ABLIM3: variants seen among roughly 807,000 people sequenced by gnomAD.
ABLIM3 encodes the protein actin-binding LIM protein 3.
Under a neutral mutation model 109.5 loss-of-function variants are expected in ABLIM3, and 61 were observed. The ratio of observed to expected loss-of-function variants is 0.56; its 90% CI spans 0.45 to 0.69. ABLIM3 has a LOEUF of 0.69. ABLIM3 is among the 30% of genes least tolerant of loss of function. The pLI, the probability that ABLIM3 is intolerant of heterozygous loss-of-function variation, is 0.00. For missense variants in ABLIM3, 796 were observed against 889.5 expected, an observed-to-expected ratio of 0.89 and a Z score of 1.34; for synonymous variants, 300 against 324.8, an observed-to-expected ratio of 0.92 and a Z score of 0.82.
At chr5:149,245,458 AG>A (rs1228556526) in intron 16 of ABLIM3, among the ~76,000 whole-genome samples, 1 of 152,222 alleles carries the variant, frequency 6.6e-6, no homozygotes, top group Admixed American at 6.5e-5. Flanking sequence ...AGGAAAGAAA[AG>A]GCTGTCCACT....
chr5:149,151,226 C>G (rs1176428391), intron 2 of ABLIM3, among the ~76,000 whole-genome samples: 1 of 152,190 alleles, frequency 6.6e-6, no homozygotes, highest in African/African-American at 2.4e-5. Context: ...TTCACATCAC[C>G]TTTATCCATG....
chr5:149,224,008 G>A (rs752012291), intron 8 of ABLIM3, among the ~76,000 whole-genome samples: 7 of 152,086 alleles, frequency 4.6e-5, no homozygotes, highest in Middle Eastern at 6.8e-3. Flanking sequence ...ATGTTGCAAT[G>A]CAGTAGTAAG....
chr5:149,246,636 G>C, intron 17 of ABLIM3, 90 bp downstream of exon 17: 1 of 1,379,452 alleles, frequency 7.2e-7, no homozygotes, highest in Non-Finnish European at 9.9e-7. Flanking sequence ...ACAGATTCAA[G>C]CCCACTTATG....
At chr5:149,182,637 C>T (rs1487495923) in intron 2 of ABLIM3, among the ~76,000 whole-genome samples, 1 of 152,184 alleles carries the variant, frequency 6.6e-6, no homozygotes, top group Non-Finnish European at 1.5e-5. Flanking sequence ...ATGGTCTTAG[C>T]AGTCTCACTT....
chr5:149,249,730 G>A (rs962213674), intron 18 of ABLIM3, 85 bp from the exon 19 acceptor site: 124 of 1,545,008 alleles, frequency 8.0e-5, no homozygotes, highest in Non-Finnish European at 1.1e-4. Flanking sequence ...GGGTATGGAA[G>A]CCACATCTCT....
chr5:149,152,735 T>A (rs1201466688), intron 2 of ABLIM3, among the ~76,000 whole-genome samples: 1 of 152,068 alleles, frequency 6.6e-6, no homozygotes, highest in African/African-American at 2.4e-5. Context: ...CTGGTCCAGT[T>A]GAGAACATCT....
Position 149,258,377 on chromosome 5 carries a change from A to G in ABLIM3, c.2025A>G (p.Glu675=). The change falls in exon 24 of 24, where the codon GAA becomes GAG. Residue 675 remains glutamate (E), a synonymous_variant. Coordinates refer to ENST00000309868, the MANE Select transcript of ABLIM3 (RefSeq NM_014945.5). ...FDRLALWKRN[E]LKKQARLF is the part of the protein sequence containing the mutation. ...GGCTGGCCCTCTGGAAGAGGAATGA[A>G]CTGAAGAAGCAAGCCCGGCTGTTCT... is the stretch of plus-strand genomic sequence containing the variant. 6.2e-7 allele frequency: 1 copy of G among 1,614,106 alleles called. No homozygotes were observed.
chr5:149,199,118 C>T (rs1340827100), intron 4 of ABLIM3: 1 of 456,564 alleles, frequency 2.2e-6, no homozygotes, highest in African/African-American at 2.0e-5. Flanking sequence ...GTTAATTCAG[C>T]AAGTGTACGT....
chr5:149,247,982 A>G (rs1753556124), intron 18 of ABLIM3, 53 bp downstream of exon 18: 1 of 1,580,282 alleles, frequency 6.3e-7, no homozygotes, highest in Admixed American at 1.8e-5. Context: ...CTCTGTGACT[A>G]GCTGGCAGTG....
intron 8 of ABLIM3, among the ~76,000 whole-genome samples, chr5:149,224,395 C>T (rs187232275): frequency 6.6e-6 from 1 of 152,320 alleles, no homozygotes; most frequent in African/African-American, 2.4e-5. Context: ...TCCCTCCAAC[C>T]TCTTTATTAA....
intron 3 of ABLIM3, among the ~76,000 whole-genome samples, chr5:149,185,624 A>G (rs1394141248): frequency 6.6e-6 from 1 of 152,190 alleles, no homozygotes; most frequent in East Asian, 1.9e-4. Flanking sequence ...AAGGGGAAAA[A>G]AATAGACCAA....
rs566062522 is a variant in ABLIM3 at position 149,208,801 on chromosome 5, G to A, written c.575+1667G>A. The stretch of plus-strand genomic sequence containing the variant: ...AATGGATGCTGGCCAAACAACACCT[G>A]CCTGTGTCCAAGATAACAAATAAAG... On this transcript the variant is annotated intron_variant, in intron 6 of 23. Coordinates refer to ENST00000309868, the MANE Select transcript of ABLIM3 (RefSeq NM_014945.5). Among the ~76,000 whole-genome samples the A allele has an allele frequency of 2.0e-5, 3 of 152,196 alleles. 1 individual carries two copies. Among genetic ancestry groups the A allele is most frequent in the South Asian group, 4.1e-4 (2 of 4,832 alleles).
At chr5:149,201,334 GA>G (rs1758468648) in intron 5 of ABLIM3, among the ~76,000 whole-genome samples, 1 of 152,154 alleles carries the variant, frequency 6.6e-6, no homozygotes, top group Non-Finnish European at 1.5e-5. Context: ...GCCTCGACAA[GA>G]AAATCAATGA....
intron 12 of ABLIM3, 27 bp from the exon 13 acceptor site, chr5:149,239,732 T>C (rs373814504): frequency 1.2e-4 from 193 of 1,564,194 alleles, no homozygotes; most frequent in Non-Finnish European, 1.6e-4. Context: ...CAGCCAGCCA[T>C]GCTCACAGCC....
intron 3 of ABLIM3, among the ~76,000 whole-genome samples, chr5:149,194,127 G>A (rs1757741643): frequency 6.6e-6 from 1 of 150,638 alleles, no homozygotes. Flanking sequence ...AACAAGAAAA[G>A]GGGAGCAAAA....
intron 1 of ABLIM3, 58 bp downstream of exon 1, chr5:149,141,712 C>T (rs1320316386): frequency 4.8e-6 from 1 of 209,998 alleles, no homozygotes; most frequent in African/African-American, 2.3e-5. Flanking sequence ...GCTGCCCCCG[C>T]CCTGCCTCCC....
At chr5:149,211,389 G>A (rs771706978) in intron 7 of ABLIM3, among the ~76,000 whole-genome samples, 12 of 151,934 alleles carry the variant, frequency 7.9e-5, no homozygotes, top group East Asian at 1.9e-4. Context: ...TGGTCTTTCC[G>A]GCCTTTCTTC....
chr5:149,258,480 C>T lies in ABLIM3; in HGVS notation c.*76C>T. 2.0e-6 allele frequency: 3 copies of T among 1,495,568 alleles called. No homozygotes were observed. The highest frequency in any genetic ancestry group is 2.7e-6 in the Non-Finnish European group (3 of 1,128,844). The allele number at this position is 1,495,568 out of a possible 1,614,324, so 92.6% of individuals were successfully genotyped here. A position where few individuals can be genotyped will look rare whatever the true frequency, so the allele number is the denominator to read the frequency against. On this transcript the variant is annotated 3_prime_UTR_variant, in exon 24 of 24. Transcript: ENST00000309868. ...CTCTCTACTGAAGCTCGGTATAATC[C>T]TCTCTTGTGTAATGGGACACACTGC...
At chr5:149,175,356 T>C (rs1050974889) in intron 2 of ABLIM3, among the ~76,000 whole-genome samples, 20 of 152,302 alleles carry the variant, frequency 1.3e-4, no homozygotes, top group African/African-American at 4.6e-4. Flanking sequence ...AGCTTTTGAA[T>C]TTTAAAATCC....
Sources: gnomAD v4.1 joint callset for allele counts (sites outside exome capture counted in the v4.1 genomes callset) on GRCh38, gnomAD v4.1.1 for gene constraint, MANE v1.5 for transcripts, NCBI Gene and HGNC (gene_info 2026-07-23, HGNC 2026-07-21) for gene names.